Variants in RASSF3 observed in about 807,000 individuals in gnomAD.
RASSF3 encodes the protein Ras association domain family member 3.
RASSF3 carries 19 observed loss-of-function variants against 19.9 expected under a neutral mutation model. The observed-to-expected ratio is 0.96, with a 90% CI of 0.67 to 1.40. The LOEUF is 1.40. Among genes scored for constraint, RASSF3 ranks in the 40% most tolerant of loss-of-function variants. RASSF3 has a pLI of 0.00. For synonymous variants in RASSF3, 110 were observed against 104.2 expected (o/e 1.06, Z -0.34); for missense variants, 306 against 289.8 (o/e 1.06, Z -0.41).
At chr12:64,645,231 T>C (rs1871687790) in intron 1 of RASSF3, among the ~76,000 whole-genome samples, 1 of 152,226 alleles carries the variant, frequency 6.6e-6, no homozygotes, top group African/African-American at 2.4e-5. Context: ...TGAATATGTA[T>C]TGTATTCATT....
At chr12:64,567,721 T>C (rs1247647068) in intron 2 of RASSF3, among the ~76,000 whole-genome samples, 3 of 152,222 alleles carry the variant, frequency 2.0e-5, no homozygotes, top group Non-Finnish European at 4.4e-5. Context: ...TCCTGTTCCC[T>C]GATAAGAGTC....
intron 2 of RASSF3, among the ~76,000 whole-genome samples, chr12:64,582,622 C>T (rs867329748): frequency 1.2e-4 from 18 of 152,070 alleles, no homozygotes; most frequent in African/African-American, 3.6e-4. Flanking sequence ...GAGGAGTGCA[C>T]CTCAGAATGA....
intron 2 of RASSF3, among the ~76,000 whole-genome samples, chr12:64,558,836 A>G (rs1360858688): frequency 6.6e-6 from 1 of 152,042 alleles, no homozygotes; most frequent in Non-Finnish European, 1.5e-5. Flanking sequence ...CGTTGAAGGG[A>G]TGTGGCTTCT....
intron 1 of RASSF3, among the ~76,000 whole-genome samples, chr12:64,536,545 T>A (rs752537703): frequency 1.2e-4 from 18 of 152,124 alleles, no homozygotes; most frequent in Non-Finnish European, 1.9e-4. Context: ...CACACATAAA[T>A]AATAACATAA....
chr12:64,622,474 C>T (rs1565852581), intron 1 of RASSF3: 1 of 531,196 alleles, frequency 1.9e-6, no homozygotes, highest in Non-Finnish European at 3.9e-6. Context: ...GGCTTACTGT[C>T]TTTTGTTGAA....
chr12:64,612,479 CTTTTTTT>C (rs369436937), intron 1 of RASSF3, among the ~76,000 whole-genome samples: 1 of 119,398 alleles, frequency 8.4e-6, no homozygotes, highest in African/African-American at 3.1e-5. Flanking sequence ...TTTAGCGTTT[CTTTTTTT>C]TTTTTTTTTT....
At chr12:64,693,144 CTTTTT>C (rs71434057) in intron 4 of RASSF3, among the ~76,000 whole-genome samples, 4 of 128,746 alleles carry the variant, frequency 3.1e-5, no homozygotes, top group Non-Finnish European at 5.0e-5. Context: ...CCATGTTGCT[CTTTTT>C]TTTTTTTTTT....
intron 2 of RASSF3, among the ~76,000 whole-genome samples, chr12:64,571,728 C>CT (rs899386965): frequency 6.6e-5 from 10 of 151,558 alleles, no homozygotes; most frequent in Non-Finnish European, 1.3e-4. Flanking sequence ...ATTCGTGACA[C>CT]TTTTTTTTTG....
chr12:64,590,725 C>T (rs917788515), intron 2 of RASSF3, among the ~76,000 whole-genome samples: 10 of 152,092 alleles, frequency 6.6e-5, no homozygotes, highest in Non-Finnish European at 1.3e-4. Flanking sequence ...TCCACTAGTA[C>T]CTGATAGCCA....
intron 1 of RASSF3, among the ~76,000 whole-genome samples, chr12:64,666,898 C>T (rs2136202855): frequency 6.6e-6 from 1 of 152,230 alleles, no homozygotes; most frequent in South Asian, 2.1e-4. Context: ...TTTTTGTTGG[C>T]AGTGTCTGCA....
intron 1 of RASSF3, among the ~76,000 whole-genome samples, chr12:64,659,960 G>A (rs1460885135): frequency 7.8e-6 from 1 of 128,758 alleles, no homozygotes; most frequent in African/African-American, 2.8e-5. Context: ...ACGTGTGTGT[G>A]TGTGTGTGTG....
chr12:64,585,601 CTTTTTTTTTTT>C (rs35374871), intron 2 of RASSF3, among the ~76,000 whole-genome samples: 1 of 96,296 alleles, frequency 1.0e-5, no homozygotes, highest in South Asian at 3.0e-4. Context: ...TAGGCAAGTC[CTTTTTTTTTTT>C]TTTTTTTTTT....
intron 2 of RASSF3, among the ~76,000 whole-genome samples, chr12:64,594,850 C>T (rs1387279884): frequency 6.6e-6 from 1 of 151,950 alleles, no homozygotes; most frequent in Non-Finnish European, 1.5e-5. Flanking sequence ...TGGGCTCAAA[C>T]GATCATCCCA....
At chr12:64,508,281 G>A (rs1017548419) in intron 1 of RASSF3, among the ~76,000 whole-genome samples, 3 of 152,052 alleles carry the variant, frequency 2.0e-5, no homozygotes, top group South Asian at 2.1e-4. Flanking sequence ...TTGGGAGGCC[G>A]AGGCAGATGC....
chr12:64,659,739 G>A (rs188812487), intron 1 of RASSF3, among the ~76,000 whole-genome samples: 166 of 152,234 alleles, frequency 1.1e-3, no homozygotes, highest in South Asian at 6.0e-3. Flanking sequence ...CTTGAGATCA[G>A]GAGTTTGAGA....
At chr12:64,676,634 G>T (rs915656898) in intron 1 of RASSF3, among the ~76,000 whole-genome samples, 13 of 151,578 alleles carry the variant, frequency 8.6e-5, no homozygotes, top group Middle Eastern at 3.4e-3. Context: ...ACCACACCTG[G>T]CTAATTTTGT....
chr12:64,626,209 T>C (rs1239598177), intron 1 of RASSF3, among the ~76,000 whole-genome samples: 1 of 152,164 alleles, frequency 6.6e-6, no homozygotes, highest in East Asian at 1.9e-4. Context: ...CTTGGAACTA[T>C]ACCTGGCATA....
chr12:64,667,580 C>T (rs1452124145), intron 1 of RASSF3, among the ~76,000 whole-genome samples: 1 of 152,200 alleles, frequency 6.6e-6, no homozygotes, highest in Non-Finnish European at 1.5e-5. Context: ...GAAATTTTCC[C>T]ATTTTACAAG....
At chr12:64,521,459 T>C (rs545063240) in intron 1 of RASSF3, among the ~76,000 whole-genome samples, 11 of 152,280 alleles carry the variant, frequency 7.2e-5, no homozygotes, top group Admixed American at 3.9e-4. Context: ...CAAGAAGACA[T>C]CAACTCTAAA....
Sources: allele counts gnomAD v4.1 joint callset (sites outside exome capture counted in the v4.1 genomes callset), GRCh38; gene constraint gnomAD v4.1.1; transcripts MANE v1.5; gene names NCBI Gene and HGNC (gene_info 2026-07-23, HGNC 2026-07-21).